EIF3I: variants seen among roughly 807,000 people sequenced by gnomAD.
EIF3I encodes eukaryotic translation initiation factor 3 subunit I, also known as TGF-beta receptor-interacting protein 1.
In EIF3I, 20 loss-of-function variants were observed where a neutral mutation model predicts 43.3. The observed-to-expected ratio is 0.46, with a 90% CI of 0.32 to 0.67. The LOEUF (loss-of-function observed/expected upper bound fraction) is 0.67. EIF3I is among the 30% of genes least tolerant of loss of function. EIF3I has a pLI of 0.03. For missense variants in EIF3I, 279 were observed against 421.4 expected, an observed-to-expected ratio of 0.66 and a Z score of 2.96; for synonymous variants, 167 against 151.7, an observed-to-expected ratio of 1.10 and a Z score of -0.74.
intron 10 of EIF3I, 124 bp from the exon 10 acceptor site, chr1:32,230,803 G>A (rs1266617191): frequency 2.8e-6 from 2 of 713,958 alleles, no homozygotes; most frequent in Non-Finnish European, 4.6e-6. Context: ...CACCCTGGGT[G>A]ACAGAGTAAG....
At chr1:32,228,919 C>A in intron 8 of EIF3I, 103 bp downstream of exon 8, 1 of 1,157,794 alleles carries the variant, frequency 8.6e-7, no homozygotes, top group South Asian at 1.4e-5. Context: ...GAAATGATGT[C>A]AGGCAGAGAG....
At chr1:32,226,020 CAAAAAAGAAAAA>C (rs1639140706) in intron 4 of EIF3I, 139 bp from the exon 5 acceptor site, 1 of 1,100,570 alleles carries the variant, frequency 9.1e-7, no homozygotes, top group East Asian at 2.7e-5. Context: ...GAAACTGTCT[CAAAAAAGAAAAA>C]AAAAAAGAAA....
chr1:32,229,049 G>T (rs1639193267), intron 8 of EIF3I, 86 bp from the exon 9 acceptor site: 2 of 1,406,822 alleles, frequency 1.4e-6, no homozygotes, highest in East Asian at 4.6e-5. Context: ...AGCCGTGTGA[G>T]ATGTTAAAAA....
At chr1:32,235,476 G>A (rs1390091843), downstream of EIF3I, among the ~76,000 whole-genome samples, 4 of 151,968 alleles carry the variant, frequency 2.6e-5, no homozygotes, top group South Asian at 2.1e-4. Flanking sequence ...GACTACAGGC[G>A]ACCGCCACCA....
At chr1:32,235,179 G>A (rs984706710), downstream of EIF3I, 14 of 152,534 alleles carry the variant, frequency 9.2e-5, no homozygotes, top group African/African-American at 2.9e-4. Flanking sequence ...CAGGGAGCAA[G>A]TGCTCAAGAC....
intron 10 of EIF3I, 79 bp from the exon 10 acceptor site, chr1:32,230,848 T>C: frequency 1.0e-6 from 1 of 998,370 alleles, no homozygotes; most frequent in Non-Finnish European, 1.5e-6. Context: ...ATAATAACAA[T>C]TTGCATTTGG....
intron 6 of EIF3I, among the ~76,000 whole-genome samples, chr1:32,227,824 T>G (rs1425047916): frequency 6.6e-6 from 1 of 152,112 alleles, no homozygotes; most frequent in Non-Finnish European, 1.5e-5. Context: ...CACCACTGAG[T>G]ATAATGCCCT....
At chr1:32,224,623 A>C in intron 4 of EIF3I, 148 bp downstream of exon 4, 1 of 577,518 alleles carries the variant, frequency 1.7e-6, no homozygotes, top group Non-Finnish European at 3.1e-6. Flanking sequence ...ATGAGAAAAT[A>C]CACGCCATGG....
downstream of EIF3I, chr1:32,231,388 G>A (rs1363207219): frequency 2.0e-6 from 1 of 499,862 alleles, no homozygotes. Flanking sequence ...CTACTCAGGA[G>A]GCTGAGGCAG....
intron 10 of EIF3I, 65 bp from the exon 10 acceptor site, chr1:32,230,862 G>A: frequency 1.7e-6 from 2 of 1,160,666 alleles, no homozygotes; most frequent in Non-Finnish European, 1.3e-6. Context: ...CATTTGGGGA[G>A]TGCCACCTCC....
rs1639031255 is a variant in EIF3I, at chr1:32,222,531, C to A, written c.4-7C>A. The A allele has an allele frequency of 3.7e-6, 6 of 1,614,126 alleles. No individual in the cohort carries two copies. The highest frequency in any genetic ancestry group is 5.1e-6 in the Non-Finnish European group (6 of 1,179,990). ...CGAGCACTGACGTTACTGTCTTGTC[C>A]CCACAGAAGCCGATCCTACTGCAGG... On this transcript the variant is annotated splice_region_variant and splice_polypyrimidine_tract_variant and intron_variant, in intron 1 of 11. Coordinates refer to ENST00000676679, the Ensembl canonical transcript of EIF3I.
At chr1:32,226,290 T>C in exon 5 of EIF3I, 1 of 1,614,072 alleles carries the variant, frequency 6.2e-7, no homozygotes. Flanking sequence ...CTTTGTGAGC[T>C]TTTTTGACCT....
At chr1:32,223,714 A>G (rs1317906045) in intron 2 of EIF3I, among the ~76,000 whole-genome samples, 4 of 152,204 alleles carry the variant, frequency 2.6e-5, no homozygotes, top group African/African-American at 9.6e-5. Context: ...TCCCACTTGG[A>G]TAAGACATCA....
At chr1:32,224,594 T>G in intron 4 of EIF3I, 119 bp downstream of exon 4, 1 of 680,930 alleles carries the variant, frequency 1.5e-6, no homozygotes, top group Non-Finnish European at 2.6e-6. Flanking sequence ...GTCTAGGGAA[T>G]AAGAGACAAG....
chr1:32,232,294 TAC>T (rs1639248959), downstream of EIF3I: 1 of 152,152 alleles, frequency 6.6e-6, no homozygotes, highest in African/African-American at 2.4e-5. Context: ...TGATAACCTT[TAC>T]TTTTCTCCTT....
chr1:32,230,360 A>G (rs1441186359), exon 10 of EIF3I, among the ~76,000 whole-genome samples: 5 of 152,044 alleles, frequency 3.3e-5, no homozygotes, highest in African/African-American at 1.2e-4. Context: ...TCAGCTTCTG[A>G]GTAGCTGGGA....
chr1:32,226,486 A>G (rs759377657), exon 6 of EIF3I: 11 of 1,591,280 alleles, frequency 6.9e-6, no homozygotes, highest in South Asian at 2.3e-5. Flanking sequence ...GGAGTGCATC[A>G]TCGCTGGCCA....
intron 2 of EIF3I, 31 bp downstream of exon 2, chr1:32,222,661 G>C (rs749865587): frequency 1.2e-6 from 2 of 1,605,210 alleles, no homozygotes; most frequent in East Asian, 4.5e-5. Context: ...GTCCGGGAGG[G>C]GCGGGATCCT....
At chr1:32,224,352 C>A in intron 3 of EIF3I, 58 bp from the exon 4 acceptor site, 1 of 1,446,218 alleles carries the variant, frequency 6.9e-7, no homozygotes, top group Non-Finnish European at 9.7e-7. Context: ...ATTCACTTGG[C>A]ATCCCAAGAG....
Sources: allele counts gnomAD v4.1 joint callset (sites outside exome capture counted in the v4.1 genomes callset), GRCh38; gene constraint gnomAD v4.1.1; transcripts MANE v1.5; gene names NCBI Gene and HGNC (gene_info 2026-07-23, HGNC 2026-07-21).